Variants in TMCC3 observed in about 807,000 individuals in gnomAD.
TMCC3 encodes the protein transmembrane and coiled-coil domain family 3.
In TMCC3, 28 loss-of-function variants were observed where a neutral mutation model predicts 40.2. The ratio of observed to expected loss-of-function variants is 0.70; its 90% CI spans 0.52 to 0.95. The LOEUF (loss-of-function observed/expected upper bound fraction) is 0.95, where lower values mean the gene tolerates loss of function less well. TMCC3 is among the 40% of genes least tolerant of loss of function. TMCC3 has a pLI of 0.00. For missense variants in TMCC3, 554 were observed against 615.2 expected (o/e 0.90, Z 1.05); for synonymous variants, 255 against 248.5 (o/e 1.03, Z -0.25).
chr12:94,608,588 G>A (rs555617480), intron 1 of TMCC3, among the ~76,000 whole-genome samples: 5 of 152,156 alleles, frequency 3.3e-5, no homozygotes, highest in South Asian at 2.1e-4. Flanking sequence ...GGTCACCACC[G>A]TAGACTGGCT....
At chr12:94,624,410 A>T (rs543297326) in intron 1 of TMCC3, among the ~76,000 whole-genome samples, 1 of 152,184 alleles carries the variant, frequency 6.6e-6, no homozygotes, top group Non-Finnish European at 1.5e-5. Context: ...ATATCCATAC[A>T]ATGAAATATT....
intron 1 of TMCC3, among the ~76,000 whole-genome samples, chr12:94,646,016 G>C (rs1398722934): frequency 6.6e-6 from 1 of 152,206 alleles, no homozygotes; most frequent in Non-Finnish European, 1.5e-5. Context: ...AAGGCTTAGA[G>C]TGATTACAGG....
intron 3 of TMCC3, among the ~76,000 whole-genome samples, chr12:94,577,314 G>C (rs534227958): frequency 6.6e-5 from 10 of 151,956 alleles, no homozygotes; most frequent in African/African-American, 2.2e-4. Flanking sequence ...TCAGCCTCCC[G>C]AGTAGCTGGG....
intron 1 of TMCC3, among the ~76,000 whole-genome samples, chr12:94,646,502 G>A (rs999726979): frequency 2.2e-5 from 3 of 133,576 alleles, no homozygotes; most frequent in Admixed American, 8.4e-5. Context: ...GCAATGGCAC[G>A]ATCTCAGCTC....
rs1187674451 is a variant in TMCC3 at position 94,569,481 on chromosome 12, C to A, written c.*1954G>T. 6.6e-6 allele frequency: 1 copy of A among 152,276 alleles called. No homozygotes were observed. Among genetic ancestry groups the A allele is most frequent in the East Asian group, 1.9e-4 (1 of 5,190 alleles). 9.4% of individuals were successfully genotyped at this position (152,276 alleles called of 1,614,324 possible). ...ATGAAAGGAGAGACAGCCATGAGAT[C>A]AGGGTGGGACTGGTAAGGGAGCTCT... is the stretch of plus-strand genomic sequence containing the variant. On this transcript the variant is annotated 3_prime_UTR_variant, in exon 4 of 4. Transcript: ENST00000261226.
chr12:94,604,667 G>A (rs1290007), intron 1 of TMCC3, among the ~76,000 whole-genome samples: 20,540 of 147,694 alleles, frequency 0.14, 1,989 homozygotes, highest in Non-Finnish European at 0.22. Flanking sequence ...AAAATGCTGC[G>A]TGTGGTAGTG....
chr12:94,592,661 C>CAAAAAAAAAAAAAAAAAA lies in TMCC3; in HGVS notation c.79-10141_79-10124dup, dbSNP rs869058316. Among the ~76,000 whole-genome samples the CAAAAAAAAAAAAAAAAAA allele has an allele frequency of 1.3e-3, 35 of 27,498 alleles. 7 individuals carry two copies. Among genetic ancestry groups the CAAAAAAAAAAAAAAAAAA allele is most frequent in the South Asian group, 3.3e-3 (2 of 614 alleles). The allele number at this position is 27,498 out of a possible 152,430, so 18.0% of individuals were successfully genotyped here. ...TGAGCCTGGACAACAGGCTCCATCT[C>CAAAAAAAAAAAAAAAAAA]AAAAAAAAAAAAAAAAAAAAAATTC... On this transcript the variant is annotated intron_variant, in intron 1 of 3. Transcript: ENST00000261226.
chr12:94,635,991 C>T (rs1242043893), intron 1 of TMCC3, among the ~76,000 whole-genome samples: 1 of 147,568 alleles, frequency 6.8e-6, no homozygotes, highest in Non-Finnish European at 1.5e-5. Flanking sequence ...TTTCAAATCC[C>T]TGAGGGGAGA....
chr12:94,615,416 A>C, intron 1 of TMCC3, among the ~76,000 whole-genome samples: 1 of 152,178 alleles, frequency 6.6e-6, no homozygotes, highest in East Asian at 1.9e-4. Context: ...CTTCTTCCCC[A>C]ACGTGGGCTG....
chr12:94,650,419 G>T lies in TMCC3; in HGVS notation c.12C>A (p.Ser4Arg). The T allele has an allele frequency of 7.7e-7, 1 of 1,302,704 alleles. No individual in the cohort carries two copies. Among genetic ancestry groups the T allele is most frequent in the Non-Finnish European group, 9.8e-7 (1 of 1,020,252 alleles). The allele number at this position is 1,302,704 out of a possible 1,614,324, so 80.7% of individuals were successfully genotyped here. Reference sequence around the variant, plus strand: ...TCCGGTCCACGGTGAGCGCCGTGTCGCTGCCCGGCATCTCCGCGCTCCGGC... The same window carrying T: ...TCCGGTCCACGGTGAGCGCCGTGTCTCTGCCCGGCATCTCCGCGCTCCGGC... MPG[S>R]DTALTVDRTY... The change falls in exon 1 of 4, where the codon AGC (serine) becomes AGA (arginine). Residue 4 changes from serine (S) to arginine (R), a missense_variant. Physicochemically the swap from Ser to Arg is moderately radical, Grantham distance 110. Coordinates refer to ENST00000261226, the MANE Select transcript of TMCC3 (RefSeq NM_020698.4).
At chr12:94,578,244 C>T (rs557980981) in intron 3 of TMCC3, 150 bp downstream of exon 3, 24 of 728,896 alleles carry the variant, frequency 3.3e-5, no homozygotes, top group South Asian at 3.3e-4. Context: ...GTGGGGTTAA[C>T]GTGGTACAGA....
At chr12:94,629,724 G>A (rs1193329850) in intron 1 of TMCC3, among the ~76,000 whole-genome samples, 1 of 152,160 alleles carries the variant, frequency 6.6e-6, no homozygotes, top group Non-Finnish European at 1.5e-5. Context: ...CCATCCCTGG[G>A]TCAAAAGTCT....
chr12:94,612,199 C>T (rs2068820162), intron 1 of TMCC3, among the ~76,000 whole-genome samples: 1 of 152,168 alleles, frequency 6.6e-6, no homozygotes, highest in Non-Finnish European at 1.5e-5. Context: ...GAGGTTTCAC[C>T]ATGTTGACCA....
chr12:94,616,650 G>A (rs1452250202), intron 1 of TMCC3, among the ~76,000 whole-genome samples: 2 of 152,140 alleles, frequency 1.3e-5, no homozygotes, highest in African/African-American at 2.4e-5. Flanking sequence ...GGTGCTAAGC[G>A]AGCACTTGGA....
chr12:94,617,361 A>G (rs1566329900), intron 1 of TMCC3, among the ~76,000 whole-genome samples: 2 of 152,204 alleles, frequency 1.3e-5, no homozygotes, highest in East Asian at 3.9e-4. Context: ...GCCTCTTAGC[A>G]GCTATACGAC....
At chr12:94,575,535 A>C (rs2068558739) in intron 3 of TMCC3, among the ~76,000 whole-genome samples, 1 of 152,244 alleles carries the variant, frequency 6.6e-6, no homozygotes, top group South Asian at 2.1e-4. Flanking sequence ...CACTCCAGTC[A>C]TTCACACAGA....
intron 1 of TMCC3, among the ~76,000 whole-genome samples, chr12:94,597,108 T>A (rs970413228): frequency 2.5e-4 from 31 of 126,024 alleles, no homozygotes; most frequent in African/African-American, 9.1e-4. Context: ...AGTAAGTCAC[T>A]GTCTCTATTA....
At chr12:94,614,548 C>A (rs1280399517) in intron 1 of TMCC3, among the ~76,000 whole-genome samples, 2 of 152,178 alleles carry the variant, frequency 1.3e-5, no homozygotes, top group Non-Finnish European at 2.9e-5. Flanking sequence ...GTTCCCACAT[C>A]TTTTTGAACA....
intron 1 of TMCC3, among the ~76,000 whole-genome samples, chr12:94,603,864 A>G (rs2068767219): frequency 6.6e-6 from 1 of 152,244 alleles, no homozygotes; most frequent in African/African-American, 2.4e-5. Flanking sequence ...CTGTAACATT[A>G]CAAATGCACA....
Sources: allele counts gnomAD v4.1 joint callset (sites outside exome capture counted in the v4.1 genomes callset), GRCh38; gene constraint gnomAD v4.1.1; transcripts MANE v1.5; gene names NCBI Gene and HGNC (gene_info 2026-07-23, HGNC 2026-07-21).